CHN2: variants seen among roughly 807,000 people sequenced by gnomAD.
CHN2 encodes the protein beta-chimaerin.
In CHN2, 35 loss-of-function variants were observed where a neutral mutation model predicts 56.3. That is an observed-to-expected ratio of 0.62 (90% CI 0.47 to 0.82). The LOEUF is 0.82. Among genes scored for constraint, CHN2 ranks in the 40% least tolerant of loss-of-function variants. CHN2 has a pLI of 0.00. For synonymous variants in CHN2, 210 were observed against 212.8 expected (o/e 0.99, Z 0.12); for missense variants, 491 against 580.5 (o/e 0.85, Z 1.58).
At chr7:29,148,390 C>T (rs935294940) in intron 2 of CHN2, 1 of 152,194 alleles carries the variant, frequency 6.6e-6, no homozygotes, top group Non-Finnish European at 1.5e-5. Flanking sequence ...GTTTTAGTAA[C>T]CTCAAGGCTA....
chr7:29,244,391 C>A (rs968160471), intron 1 of CHN2, among the ~76,000 whole-genome samples: 3 of 152,176 alleles, frequency 2.0e-5, no homozygotes, highest in African/African-American at 4.8e-5. Flanking sequence ...CTGAGTCCTC[C>A]CTCAGTCATT....
intron 7 of CHN2, among the ~76,000 whole-genome samples, chr7:29,481,937 G>A (rs1190494927): frequency 6.6e-6 from 1 of 152,084 alleles, no homozygotes; most frequent in African/African-American, 2.4e-5. Context: ...GTCTGAGCTT[G>A]TGTTAAAAAC....
At chr7:29,238,280 A>G (rs1032129786) in intron 1 of CHN2, among the ~76,000 whole-genome samples, 3 of 151,940 alleles carry the variant, frequency 2.0e-5, no homozygotes, top group African/African-American at 7.3e-5. Flanking sequence ...GGCCTCCCAA[A>G]GTGCTGGGAT....
At chr7:29,425,515 G>C (rs12333752) in intron 6 of CHN2, among the ~76,000 whole-genome samples, 7,360 of 152,258 alleles carry the variant, frequency 0.048, 334 homozygotes, top group East Asian at 0.26. Context: ...ACTTCTCCAA[G>C]AGTCCTGAGA....
intron 1 of CHN2, among the ~76,000 whole-genome samples, chr7:29,329,405 C>T (rs950445361): frequency 6.2e-4 from 43 of 68,808 alleles, no homozygotes; most frequent in Admixed American, 5.3e-3. Flanking sequence ...AAAAAAAAGT[C>T]AGCAATTGGG....
At chr7:29,214,982 A>AGG (rs1023509681) in intron 1 of CHN2, among the ~76,000 whole-genome samples, 17 of 152,070 alleles carry the variant, frequency 1.1e-4, no homozygotes, top group African/African-American at 3.9e-4. Context: ...CCAGGAAGGG[A>AGG]GGGGCCCTTG....
chr7:29,228,364 T>C (rs1786389825), intron 1 of CHN2, among the ~76,000 whole-genome samples: 1 of 152,214 alleles, frequency 6.6e-6, no homozygotes, highest in South Asian at 2.1e-4. Context: ...TGTGCTGTAA[T>C]TGCCTACAGT....
At chr7:29,357,037 C>G (rs552227337) in intron 2 of CHN2, among the ~76,000 whole-genome samples, 1 of 152,310 alleles carries the variant, frequency 6.6e-6, no homozygotes, top group East Asian at 1.9e-4. Context: ...TTGCCTTCTT[C>G]TAAGAGACCT....
chr7:29,479,872 T>C, intron 6 of CHN2: 1 of 1,381,328 alleles, frequency 7.2e-7, no homozygotes. Context: ...TGTTTGCTAT[T>C]GTTCCAGGCG....
At chr7:29,253,254 C>T (rs1788784665) in intron 1 of CHN2, among the ~76,000 whole-genome samples, 1 of 152,218 alleles carries the variant, frequency 6.6e-6, no homozygotes, top group South Asian at 2.1e-4. Flanking sequence ...GCCTGTCATC[C>T]TTATATGTGG....
chr7:29,327,682 A>T (rs1187726983), intron 1 of CHN2, among the ~76,000 whole-genome samples: 3 of 152,118 alleles, frequency 2.0e-5, no homozygotes, highest in African/African-American at 7.2e-5. Context: ...ATAGCCAGAG[A>T]AGTGTGTAAT....
chr7:29,458,756 G>A (rs1562623631), intron 6 of CHN2, among the ~76,000 whole-genome samples: 1 of 152,166 alleles, frequency 6.6e-6, no homozygotes, highest in Admixed American at 6.5e-5. Flanking sequence ...CCTCTATCAA[G>A]CGTCTTAGTT....
chr7:29,188,529 T>C (rs1207845628), intron 2 of CHN2, among the ~76,000 whole-genome samples: 2 of 152,140 alleles, frequency 1.3e-5, no homozygotes, highest in African/African-American at 2.4e-5. Flanking sequence ...TCTCCTTTTT[T>C]TATTTTTTTT....
At chr7:29,264,312 G>A (rs527268832) in intron 1 of CHN2, among the ~76,000 whole-genome samples, 32 of 152,356 alleles carry the variant, frequency 2.1e-4, no homozygotes, top group African/African-American at 7.2e-4. Flanking sequence ...TCTGGGAGGT[G>A]TACCCAACAG....
At chr7:29,474,524 C>T (rs1306060315) in intron 6 of CHN2, among the ~76,000 whole-genome samples, 2 of 152,164 alleles carry the variant, frequency 1.3e-5, no homozygotes, top group Non-Finnish European at 2.9e-5. Context: ...AAAGAACTCT[C>T]CTCACCACAC....
chr7:29,260,961 A>G (rs245983), intron 1 of CHN2, among the ~76,000 whole-genome samples: 57,177 of 152,074 alleles, frequency 0.38, 11,752 homozygotes, highest in African/African-American at 0.55. Context: ...TTTCTTTCTA[A>G]TATACTTTGA....
chr7:29,453,038 C>G (rs943036416), intron 6 of CHN2, among the ~76,000 whole-genome samples: 1 of 152,196 alleles, frequency 6.6e-6, no homozygotes, highest in Non-Finnish European at 1.5e-5. Context: ...AAAATGCTAG[C>G]TGGTTGTTGA....
chr7:29,329,105 C>G lies in CHN2; in HGVS notation c.50-25520C>G, dbSNP rs1403040160. 2.0e-5 allele frequency among the ~76,000 whole-genome samples: 3 copies of G among 151,842 alleles called. No homozygotes were observed. In the East Asian group the frequency reaches 5.8e-4, roughly 29 times the overall value. On this transcript the variant is annotated intron_variant, in intron 1 of 12. Coordinates refer to ENST00000222792, the MANE Select transcript of CHN2 (RefSeq NM_004067.4). Reference sequence around the variant, plus strand: ...TGCAGACTGAAAAATGTTGCTTTTTCAATTCCAAGTAAGTCAAAATGAATG... The same window carrying G: ...TGCAGACTGAAAAATGTTGCTTTTTGAATTCCAAGTAAGTCAAAATGAATG...
intron 6 of CHN2, among the ~76,000 whole-genome samples, chr7:29,459,970 G>A (rs1785035768): frequency 6.6e-6 from 1 of 152,168 alleles, no homozygotes; most frequent in Admixed American, 6.5e-5. Flanking sequence ...TGCCACTCAG[G>A]CAAGTCAGGC....
Sources: gnomAD v4.1 joint callset for allele counts (sites outside exome capture counted in the v4.1 genomes callset) on GRCh38, gnomAD v4.1.1 for gene constraint, MANE v1.5 for transcripts, NCBI Gene and HGNC (gene_info 2026-07-23, HGNC 2026-07-21) for gene names.